SNTG2: variants seen among roughly 807,000 people sequenced by gnomAD.
SNTG2 encodes syntrophin gamma 2.
SNTG2 carries 74 observed loss-of-function variants against 70.9 expected under a neutral mutation model. That is an observed-to-expected ratio of 1.04 (90% CI 0.86 to 1.27). SNTG2 has a LOEUF of 1.27. Ranked by LOEUF, SNTG2 falls within the 50% of genes most tolerant of loss-of-function variation. SNTG2 has a pLI of 0.00. For missense variants in SNTG2, 717 were observed against 690.7 expected (o/e 1.04, Z -0.43); for synonymous variants, 278 against 273.8 (o/e 1.02, Z -0.15).
intron 9 of SNTG2, among the ~76,000 whole-genome samples, chr2:1,234,117 A>G (rs535531881): frequency 1.1e-4 from 16 of 152,282 alleles, no homozygotes; most frequent in African/African-American, 3.1e-4. Flanking sequence ...CCGGGTTCCA[A>G]CTGTGAGCCA....
intron 14 of SNTG2, among the ~76,000 whole-genome samples, chr2:1,301,624 A>G (rs1680458193): frequency 6.6e-6 from 1 of 152,170 alleles, no homozygotes; most frequent in Non-Finnish European, 1.5e-5. Context: ...GGGAGGAAAA[A>G]CGATTCAAAT....
At chr2:1,178,084 T>C (rs1291598452) in intron 8 of SNTG2, among the ~76,000 whole-genome samples, 1 of 152,162 alleles carries the variant, frequency 6.6e-6, no homozygotes, top group Non-Finnish European at 1.5e-5. Context: ...CTCAAAATCC[T>C]GTAAGAATTT....
At chr2:1,070,749 T>C (rs1001037754) in intron 1 of SNTG2, among the ~76,000 whole-genome samples, 2 of 152,216 alleles carry the variant, frequency 1.3e-5, no homozygotes, top group African/African-American at 2.4e-5. Context: ...ATCAGCTCTG[T>C]TGAGCCTCTA....
chr2:1,229,932 G>T (rs1676088632), intron 9 of SNTG2, among the ~76,000 whole-genome samples: 1 of 152,202 alleles, frequency 6.6e-6, no homozygotes, highest in South Asian at 2.1e-4. Context: ...ACTCCAGCTG[G>T]CCCGCAAGCG....
intron 1 of SNTG2, among the ~76,000 whole-genome samples, chr2:1,031,528 A>ATATATATATATATTTTTTTTTTTTT: frequency 4.2e-4 from 25 of 59,088 alleles, no homozygotes; most frequent in Non-Finnish European, 5.3e-4. Flanking sequence ...ATATATATAT[A>ATATATATATATATTTTTTTTTTTTT]TTTTTTTTTT....
intron 8 of SNTG2, among the ~76,000 whole-genome samples, chr2:1,181,663 A>T (rs751244706): frequency 2.0e-5 from 3 of 151,956 alleles, no homozygotes; most frequent in Non-Finnish European, 4.4e-5. Flanking sequence ...TACCTTATAT[A>T]TTTGACAGTT....
chr2:1,308,637 A>G, intron 15 of SNTG2, 51 bp downstream of exon 15: 9 of 1,443,660 alleles, frequency 6.2e-6, no homozygotes, highest in Non-Finnish European at 7.6e-6. Flanking sequence ...GTGCTTGGTT[A>G]CATTCCATGG....
chr2:969,379 AG>A (rs1366665795), intron 1 of SNTG2, among the ~76,000 whole-genome samples: 3 of 120,844 alleles, frequency 2.5e-5, no homozygotes, highest in East Asian at 2.0e-4. Flanking sequence ...ATTTTATAAT[AG>A]TTTTTTTTCT....
intron 14 of SNTG2, among the ~76,000 whole-genome samples, chr2:1,300,303 A>G (rs1680404018): frequency 6.6e-6 from 1 of 152,166 alleles, no homozygotes; most frequent in Admixed American, 6.5e-5. Flanking sequence ...TTCAAAGTCC[A>G]CTCACTCTTG....
At chr2:1,070,004 G>A (rs1424488906) in intron 1 of SNTG2, among the ~76,000 whole-genome samples, 4 of 151,964 alleles carry the variant, frequency 2.6e-5, no homozygotes, top group South Asian at 2.1e-4. Context: ...TTCAGAACCC[G>A]CGGCCCCCCA....
chr2:1,060,567 T>C (rs920138746), intron 1 of SNTG2, among the ~76,000 whole-genome samples: 4 of 152,152 alleles, frequency 2.6e-5, no homozygotes, highest in African/African-American at 9.7e-5. Context: ...TTGTGTTAAG[T>C]ATAAGGTTCA....
intron 1 of SNTG2, among the ~76,000 whole-genome samples, chr2:1,071,849 T>C (rs537336640): frequency 6.9e-4 from 105 of 152,226 alleles, no homozygotes; most frequent in African/African-American, 2.4e-3. Context: ...TTTGCTGATA[T>C]GGAGGAAATT....
intron 14 of SNTG2, among the ~76,000 whole-genome samples, chr2:1,306,782 T>A (rs1222194608): frequency 6.6e-6 from 1 of 150,654 alleles, no homozygotes; most frequent in Non-Finnish European, 1.5e-5. Flanking sequence ...GTCACCTGTG[T>A]ACTCTGTGTG....
intron 12 of SNTG2, among the ~76,000 whole-genome samples, chr2:1,249,536 G>A (rs1361882811): frequency 5.3e-5 from 8 of 152,074 alleles, no homozygotes; most frequent in Non-Finnish European, 1.0e-4. Flanking sequence ...CTTCTTCCCC[G>A]GTGGGAACCA....
intron 1 of SNTG2, among the ~76,000 whole-genome samples, chr2:1,002,355 T>C (rs1659423570): frequency 6.6e-6 from 1 of 152,174 alleles, no homozygotes; most frequent in African/African-American, 2.4e-5. Flanking sequence ...AAACTGCATT[T>C]AGTGAGTAAC....
intron 9 of SNTG2, among the ~76,000 whole-genome samples, chr2:1,225,023 AGGCTCT>A (rs1002311883): frequency 2.0e-4 from 30 of 152,318 alleles, no homozygotes; most frequent in African/African-American, 6.0e-4. Context: ...TGTACAGAAG[AGGCTCT>A]TTGTTAGTTA....
intron 4 of SNTG2, among the ~76,000 whole-genome samples, chr2:1,128,731 G>T (rs1488052862): frequency 6.6e-6 from 1 of 151,884 alleles, no homozygotes; most frequent in African/African-American, 2.4e-5. Flanking sequence ...TCTGCTTGGT[G>T]TTTTCTTGTG....
chr2:1,283,285 G>A (rs954138050), intron 14 of SNTG2, among the ~76,000 whole-genome samples: 1 of 152,106 alleles, frequency 6.6e-6, no homozygotes, highest in Non-Finnish European at 1.5e-5. Flanking sequence ...ACCCCTGCTG[G>A]GCCCGTGCAC....
intron 8 of SNTG2, among the ~76,000 whole-genome samples, chr2:1,193,352 C>G (rs1383747031): frequency 6.6e-6 from 1 of 152,180 alleles, no homozygotes; most frequent in Non-Finnish European, 1.5e-5. Flanking sequence ...GCTCCGCAGG[C>G]AGCCGCTCAC....
Sources: allele counts gnomAD v4.1 joint callset (sites outside exome capture counted in the v4.1 genomes callset), GRCh38; gene constraint gnomAD v4.1.1; transcripts MANE v1.5; gene names NCBI Gene and HGNC (gene_info 2026-07-23, HGNC 2026-07-21).